IFT122: variants seen among roughly 807,000 people sequenced by gnomAD.
IFT122 encodes the protein intraflagellar transport protein 122 homolog.
In IFT122, 118 loss-of-function variants were observed where a neutral mutation model predicts 161.6. The observed-to-expected ratio is 0.73, with a 90% CI of 0.63 to 0.85. The LOEUF (loss-of-function observed/expected upper bound fraction) is 0.85, where lower values mean the gene tolerates loss of function less well. Ranked by LOEUF, IFT122 falls within the 40% of genes least tolerant of loss-of-function variation. IFT122 has a pLI of 0.00. For missense variants in IFT122, 1,381 were observed against 1,579.6 expected, an observed-to-expected ratio of 0.87 and a Z score of 2.13; for synonymous variants, 550 against 602.4, an observed-to-expected ratio of 0.91 and a Z score of 1.27.
intron 15 of IFT122, among the ~76,000 whole-genome samples, chr3:129,484,405 A>G (rs570904364): frequency 6.6e-6 from 1 of 152,344 alleles, no homozygotes; most frequent in Non-Finnish European, 1.5e-5. Flanking sequence ...AAACATGTTG[A>G]AATACATCTG....
intron 8 of IFT122, 82 bp from the exon 9 acceptor site, chr3:129,469,260 G>C: frequency 1.6e-6 from 2 of 1,233,984 alleles, no homozygotes; most frequent in Non-Finnish European, 2.4e-6. Flanking sequence ...GGACTTCCTT[G>C]TTCCTGTTGT....
At chr3:129,468,597 A>G (rs1052507800) in intron 8 of IFT122, among the ~76,000 whole-genome samples, 9 of 152,020 alleles carry the variant, frequency 5.9e-5, no homozygotes, top group Non-Finnish European at 1.0e-4. Context: ...ACCTGCCTCA[A>G]CCTCCCAAAG....
chr3:129,461,405 T>A, intron 5 of IFT122, 101 bp downstream of exon 5: 1 of 855,162 alleles, frequency 1.2e-6, no homozygotes, highest in Non-Finnish European at 2.0e-6. Context: ...CTGAGAGAGT[T>A]AATACTACTT....
rs370415289 is a variant in IFT122 at position 129,502,872 on chromosome 3, G to T, written c.2537G>T (p.Arg846Leu). The part of the protein sequence containing the change: ...SLVQLHVETQ[R>L]WDEAFALGEK... ...GTGCAGCTGCACGTGGAGACCCAGC[G>T]CTGGGATGAGGTGAGGGGAAAGCAG... The change falls in exon 20 of 30, where the codon CGC (arginine) becomes CTC (leucine). Residue 846 changes from arginine to leucine, a missense_variant. By Grantham distance (102) the Arg-to-Leu change is moderately radical. Coordinates refer to ENST00000348417, the MANE Select transcript of IFT122 (RefSeq NM_052989.3). The T allele has an allele frequency of 1.3e-4, 216 of 1,610,366 alleles. 1 individual carries two copies. Among genetic ancestry groups the T allele is most frequent in the Non-Finnish European group, 1.7e-4 (198 of 1,179,998 alleles).
chr3:129,514,461 C>A lies in IFT122; in HGVS notation c.3060C>A (p.Asp1020Glu). Residue 1020 changes from aspartate to glutamate, a missense_variant, in exon 25 of 30, where the codon GAC (aspartate) becomes GAA (glutamate). Coordinates refer to ENST00000348417, the MANE Select transcript of IFT122 (RefSeq NM_052989.3). ...ACAGGCTGGCCCGGCACGCCTATGA[C>A]AAGCTGCGTGGCCTGTACATCCCTG... Reference protein sequence around the residue: ...GAYRLARHAYDKLRGLYIPAR... With the variant: ...GAYRLARHAYEKLRGLYIPAR... 6.2e-7 allele frequency: 1 copy of A among 1,614,212 alleles called. No homozygotes were observed. The highest frequency in any genetic ancestry group is 8.5e-7 in the Non-Finnish European group (1 of 1,180,020).
intron 16 of IFT122, among the ~76,000 whole-genome samples, chr3:129,489,667 G>A (rs1355591599): frequency 5.9e-5 from 9 of 151,954 alleles, no homozygotes; most frequent in Middle Eastern, 3.4e-3. Context: ...GTGAAACCCC[G>A]TCTCTACTAA....
chr3:129,466,294 C>G (rs1414731930), intron 7 of IFT122, among the ~76,000 whole-genome samples: 1 of 151,700 alleles, frequency 6.6e-6, no homozygotes, highest in African/African-American at 2.4e-5. Flanking sequence ...TTTTTTTGGC[C>G]CATGCTGTAC....
In IFT122 at chr3:129,519,592, G is replaced by A. The variant is rs1228306969; in HGVS notation, c.3496G>A (p.Val1166Met). 6.2e-7 allele frequency: 1 copy of A among 1,613,690 alleles called. No homozygotes were observed. Among genetic ancestry groups the A allele is most frequent in the Admixed American group, 1.7e-5 (1 of 60,036 alleles). The change falls in exon 29 of 30, where the codon GTG becomes ATG. Residue 1166 changes from valine (V) to methionine (M), a missense_variant. By Grantham distance (21) the Val-to-Met change is conservative. Transcript: ENST00000348417. ...GCAAGGTGGCTCAGAGTTCGTGCCA[G>A]TGGTGGTGAGCCGGCTGGTGCTGCG... Reference protein sequence around the residue: ...FEQGGSEFVPVVVSRLVLRSM... With the variant: ...FEQGGSEFVPMVVSRLVLRSM...
rs1343128973 is a variant in IFT122, at chr3:129,469,341, GA to G, written c.741del (p.Glu248ArgfsTer21). 3 of 1,613,114 alleles carry G rather than the reference GA, an allele frequency of 1.9e-6. No individual in the cohort carries two copies. Among genetic ancestry groups the G allele is most frequent in the Non-Finnish European group, 2.5e-6 (3 of 1,179,268 alleles). On this transcript the variant is annotated frameshift_variant and splice_region_variant, in exon 9 of 30. Transcript: ENST00000348417. LOFTEE classifies it high-confidence loss of function. Reference sequence around the variant, plus strand: ...AACCTCTTTTATCTTCTGTTGATTAGAGAGGAACGTAATGACATCCTGGCTG... The same window carrying G: ...AACCTCTTTTATCTTCTGTTGATTAGGAGGAACGTAATGACATCCTGGCTG... Reference protein sequence around the residue: ...EEDDSPRDDNLEERNDILAVA... With the variant: ...EEDDSPRDDNXEERNDILAVA...
At chr3:129,467,202 A>G in intron 8 of IFT122, 136 bp downstream of exon 8, 1 of 744,114 alleles carries the variant, frequency 1.3e-6, no homozygotes, top group South Asian at 1.6e-5. Flanking sequence ...GCGCCTTCAA[A>G]AAAAGGAGAC....
chr3:129,479,642 A>G (rs1278041930), intron 12 of IFT122, 143 bp from the exon 13 acceptor site: 12 of 1,013,900 alleles, frequency 1.2e-5, no homozygotes, highest in South Asian at 9.4e-5. Flanking sequence ...AACGATGCCA[A>G]TCGTGGGGTC....
At position 129,476,379 on chromosome 3, in the gene IFT122, A is replaced by T; in HGVS notation, c.881A>T (p.Tyr294Phe). The change falls in exon 10 of 30, where the codon TAC (tyrosine) becomes TTC (phenylalanine). Residue 294 changes from tyrosine (Y) to phenylalanine (F), a missense_variant. Tyr to Phe is a conservative substitution (Grantham distance 22). Coordinates refer to ENST00000348417, the MANE Select transcript of IFT122 (RefSeq NM_052989.3). ...ATCAGCTACTTTACTAAAGGCGAGT[A>T]CATTTTGCTGGGGGGTTCAGACAAG... ...CCISYFTKGE[Y>F]ILLGGSDKQV... 1 of 1,614,200 alleles carries T rather than the reference A, an allele frequency of 6.2e-7. No homozygotes were observed. The highest frequency in any genetic ancestry group is 1.3e-5 in the African/African-American group (1 of 75,050).
At chr3:129,482,101 G>A (rs572034396) in intron 14 of IFT122, among the ~76,000 whole-genome samples, 16 of 152,258 alleles carry the variant, frequency 1.1e-4, no homozygotes, top group Non-Finnish European at 1.9e-4. Flanking sequence ...GTGTCTATGC[G>A]CACCTACAGC....
chr3:129,492,063 G>A, intron 16 of IFT122, 78 bp from the exon 17 acceptor site: 1 of 1,072,144 alleles, frequency 9.3e-7, no homozygotes, highest in Non-Finnish European at 1.5e-6. Flanking sequence ...GATAGAGCTT[G>A]ACTTCCCACC....
In IFT122 at chr3:129,515,873, C is replaced by G. The variant is rs571121909; in HGVS notation, c.3265+274C>G. 2.0e-5 allele frequency among the ~76,000 whole-genome samples: 3 copies of G among 152,248 alleles called. 1 individual carries two copies. The highest frequency in any genetic ancestry group is 4.1e-4 in the South Asian group (2 of 4,824). On this transcript the variant is annotated intron_variant, in intron 26 of 29. Transcript: ENST00000348417. ...AACCAAATGCCCCAGAAAGAGAGTCCGATGGCTTTGCATTCAGACCAGGAG... is the reference window on the plus strand; with the variant it reads ...AACCAAATGCCCCAGAAAGAGAGTCGGATGGCTTTGCATTCAGACCAGGAG...
chr3:129,478,763 A>G (rs933524908), intron 12 of IFT122, among the ~76,000 whole-genome samples: 3 of 152,216 alleles, frequency 2.0e-5, no homozygotes, highest in African/African-American at 4.8e-5. Context: ...ACCTTGTTCT[A>G]TTGCAGAACA....
chr3:129,514,718 C>T (rs1238559413), intron 25 of IFT122, 164 bp downstream of exon 25: 2 of 802,138 alleles, frequency 2.5e-6, no homozygotes, highest in Admixed American at 4.0e-5. Context: ...CTGTGCTTCC[C>T]TGTCCACCTC....
At chr3:129,507,784 C>T (rs1441588451) in intron 23 of IFT122, 22 bp downstream of exon 23, 2 of 1,573,634 alleles carry the variant, frequency 1.3e-6, no homozygotes, top group African/African-American at 2.7e-5. Flanking sequence ...GGGTCACCAG[C>T]ACCTGAGGGT....
In IFT122 at chr3:129,514,557, G is replaced by A; in HGVS notation, c.3153+3G>A. On this transcript the variant is annotated splice_donor_region_variant and intron_variant, in intron 25 of 29. Transcript: ENST00000348417. ...CCAAGCCCTTCCACGACAGTGAGGTGAGGATGCAGCACCCTTGGGCAGGTG... is the reference window on the plus strand; with the variant it reads ...CCAAGCCCTTCCACGACAGTGAGGTAAGGATGCAGCACCCTTGGGCAGGTG... 1.2e-6 allele frequency: 2 copies of A among 1,614,198 alleles called. No homozygotes were observed. Among genetic ancestry groups the A allele is most frequent in the Non-Finnish European group, 1.7e-6 (2 of 1,180,036 alleles).
Sources: allele counts gnomAD v4.1 joint callset (sites outside exome capture counted in the v4.1 genomes callset), GRCh38; gene constraint gnomAD v4.1.1; transcripts MANE v1.5; gene names NCBI Gene and HGNC (gene_info 2026-07-23, HGNC 2026-07-21).